ATF2: variants seen among roughly 807,000 people sequenced by gnomAD.
ATF2 encodes cyclic AMP-dependent transcription factor ATF-2.
Under a neutral mutation model 60.6 loss-of-function variants are expected in ATF2, and 24 were observed. The observed-to-expected ratio is 0.40, with a 90% CI of 0.29 to 0.56. The LOEUF (loss-of-function observed/expected upper bound fraction) is 0.56, where lower values mean the gene tolerates loss of function less well. Ranked by LOEUF, ATF2 falls within the 20% of genes least tolerant of loss-of-function variation. The pLI, the probability that ATF2 is intolerant of heterozygous loss-of-function variation, is 0.54. For missense variants in ATF2, 433 were observed against 607.7 expected (o/e 0.71, Z 3.02); for synonymous variants, 206 against 215.4 (o/e 0.96, Z 0.38).
At chr2:175,149,550 A>G (rs1027611557) in intron 2 of ATF2, among the ~76,000 whole-genome samples, 2 of 152,182 alleles carry the variant, frequency 1.3e-5, no homozygotes, top group African/African-American at 4.8e-5. Flanking sequence ...AGGTAAATCT[A>G]AACAACAACA....
chr2:175,105,168 C>T (rs1695571527), intron 10 of ATF2, among the ~76,000 whole-genome samples: 1 of 152,136 alleles, frequency 6.6e-6, no homozygotes, highest in Admixed American at 6.5e-5. Context: ...CATTACATAA[C>T]TGTACATGTA....
At chr2:175,106,843 A>T (rs1695704914) in intron 10 of ATF2, among the ~76,000 whole-genome samples, 1 of 152,054 alleles carries the variant, frequency 6.6e-6, no homozygotes, top group South Asian at 2.1e-4. Flanking sequence ...CTCAAAAATA[A>T]ATAAATAAAA....
intron 1 of ATF2, chr2:175,167,509 T>C: frequency 2.4e-6 from 1 of 422,860 alleles, no homozygotes; most frequent in Non-Finnish European, 5.1e-6. Context: ...CCAGGGACCC[T>C]GATTCTATTT....
chr2:175,161,596 T>C (rs1039961768), intron 1 of ATF2, among the ~76,000 whole-genome samples: 1 of 152,196 alleles, frequency 6.6e-6, no homozygotes, highest in African/African-American at 2.4e-5. Flanking sequence ...CACTTAACTA[T>C]GTGCCAGGGA....
chr2:175,080,521 A>C, intron 13 of ATF2, 139 bp downstream of exon 13: 1 of 644,358 alleles, frequency 1.6e-6, no homozygotes, highest in Non-Finnish European at 2.5e-6. Flanking sequence ...ACTGCATTCT[A>C]TAATAACCTT....
chr2:175,079,038 C>T (rs1019580190), intron 13 of ATF2, among the ~76,000 whole-genome samples: 1 of 152,028 alleles, frequency 6.6e-6, no homozygotes, highest in Non-Finnish European at 1.5e-5. Context: ...TAACTTAGTA[C>T]TCTATGTACT....
chr2:175,147,648 T>C (rs934106289), intron 2 of ATF2, among the ~76,000 whole-genome samples: 4 of 152,234 alleles, frequency 2.6e-5, no homozygotes, highest in Admixed American at 1.3e-4. Context: ...TCTAATACCA[T>C]ATTAAGAATA....
chr2:175,115,677 T>C (rs559921074), intron 7 of ATF2, among the ~76,000 whole-genome samples: 2 of 152,188 alleles, frequency 1.3e-5, no homozygotes, highest in South Asian at 4.1e-4. Flanking sequence ...AGTAGTAGTA[T>C]TGTAACTTCA....
At chr2:175,083,279 G>A (rs1490151055) in intron 12 of ATF2, among the ~76,000 whole-genome samples, 2 of 151,998 alleles carry the variant, frequency 1.3e-5, no homozygotes, top group Non-Finnish European at 2.9e-5. Context: ...AAACAGCATG[G>A]TACTGGTACC....
chr2:175,151,899 C>G (rs759632530), intron 1 of ATF2, among the ~76,000 whole-genome samples: 1 of 152,142 alleles, frequency 6.6e-6, no homozygotes, highest in African/African-American at 2.4e-5. Flanking sequence ...ATCTGCTGAT[C>G]AGACAGCAAG....
At chr2:175,080,040 T>C (rs212347) in intron 13 of ATF2, among the ~76,000 whole-genome samples, 31,452 of 152,078 alleles carry the variant, frequency 0.21, 3,907 homozygotes, top group African/African-American at 0.36. Flanking sequence ...CAATTAACCT[T>C]TAAAATGCTG....
rs1696980696 is a variant in ATF2 at position 175,121,915 on chromosome 2, G to A, written c.103-375C>T. On this transcript the variant is annotated intron_variant, in intron 4 of 13. Transcript: ENST00000264110. ...CATGGTTCAATGACTTTTCAAGAAA[G>A]TACTGTAGTATTAATATTTACCTAG... Among the ~76,000 whole-genome samples, 2 of 151,806 alleles carry A rather than the reference G, an allele frequency of 1.3e-5. 1 individual carries two copies. Among genetic ancestry groups the A allele is most frequent in the Admixed American group, 1.3e-4 (2 of 15,202 alleles).
intron 12 of ATF2, among the ~76,000 whole-genome samples, chr2:175,085,390 C>G (rs188159109): frequency 9.9e-4 from 150 of 152,158 alleles, no homozygotes; most frequent in African/African-American, 3.5e-3. Context: ...TAAGAATTAG[C>G]TGGGTCTGGT....
chr2:175,108,222 G>A lies in ATF2; in HGVS notation c.828+3346C>T, dbSNP rs566553210. Reference sequence around the variant, plus strand: ...TGAGGAGCCCCGCCGCCCGGCAGCCGCCCCATCTGAGAAGTGAGGAGCCCC... The same window carrying A: ...TGAGGAGCCCCGCCGCCCGGCAGCCACCCCATCTGAGAAGTGAGGAGCCCC... On this transcript the variant is annotated intron_variant, in intron 10 of 13. Coordinates refer to ENST00000264110, the MANE Select transcript of ATF2 (RefSeq NM_001880.4). 1.2e-4 allele frequency among the ~76,000 whole-genome samples: 18 copies of A among 148,206 alleles called. 1 individual carries two copies. The highest frequency in any genetic ancestry group is 2.7e-4 in the African/African-American group (11 of 40,020).
intron 12 of ATF2, among the ~76,000 whole-genome samples, chr2:175,082,225 A>C (rs1559047394): frequency 6.6e-6 from 1 of 152,342 alleles, no homozygotes; most frequent in East Asian, 1.9e-4. Context: ...ATTTAAGTAC[A>C]GAACAAAAAT....
chr2:175,153,265 A>G (rs1559120492), intron 1 of ATF2, among the ~76,000 whole-genome samples: 6 of 152,170 alleles, frequency 3.9e-5, no homozygotes, highest in African/African-American at 1.4e-4. Context: ...CTTTGCCCCC[A>G]CTACCTGACT....
chr2:175,102,707 T>A (rs1695389884), intron 10 of ATF2, among the ~76,000 whole-genome samples: 1 of 151,128 alleles, frequency 6.6e-6, no homozygotes, highest in Non-Finnish European at 1.5e-5. Flanking sequence ...AGTTTGAGGC[T>A]GCAGTGAGCT....
intron 11 of ATF2, among the ~76,000 whole-genome samples, chr2:175,094,403 G>GAAA (rs61440218): frequency 1.6e-4 from 10 of 61,142 alleles, no homozygotes; most frequent in Admixed American, 2.4e-4. Context: ...CAAAAAATAC[G>GAAA]AAAAAAAAAA....
intron 12 of ATF2, among the ~76,000 whole-genome samples, chr2:175,085,451 C>T (rs1413994544): frequency 1.3e-5 from 2 of 151,980 alleles, no homozygotes; most frequent in African/African-American, 2.4e-5. Context: ...AGGAGAACTG[C>T]TTGAATTCAA....
Sources: allele counts gnomAD v4.1 joint callset (sites outside exome capture counted in the v4.1 genomes callset), GRCh38; gene constraint gnomAD v4.1.1; transcripts MANE v1.5; gene names NCBI Gene and HGNC (gene_info 2026-07-23, HGNC 2026-07-21).